RNF34: variants seen among roughly 807,000 people sequenced by gnomAD.
RNF34 encodes ring finger protein 34.
In RNF34, 12 loss-of-function variants were observed where a neutral mutation model predicts 37.9. The ratio of observed to expected loss-of-function variants is 0.32; its 90% confidence interval spans 0.20 to 0.51. The LOEUF (loss-of-function observed/expected upper bound fraction) is 0.51, where lower values mean the gene tolerates loss of function less well. Among genes scored for constraint, RNF34 ranks in the 20% least tolerant of loss-of-function variants. The pLI, the probability that RNF34 is intolerant of heterozygous loss-of-function variation, is 0.97. For synonymous variants in RNF34, 155 were observed against 177.2 expected (o/e 0.87, Z 1.00); for missense variants, 362 against 472.7 (o/e 0.77, Z 2.17).
chr12:121,421,371 T>TACA lies in RNF34; in HGVS notation c.928+594_928+595insCAA, dbSNP rs35925457. On this transcript the variant is annotated intron_variant, in intron 5 of 5. Coordinates refer to ENST00000361234, the MANE Select transcript of RNF34 (RefSeq NM_025126.4). ...GGGCAACATAGAGAGATCCCATCTC[T>TACA]AAAAAAAAAAAAAAAAAAAAAAAAA... Among the ~76,000 whole-genome samples the TACA allele has an allele frequency of 5.8e-3, 268 of 46,360 alleles. 31 individuals are homozygous for TACA. Among genetic ancestry groups the TACA allele is most frequent in the African/African-American group, 0.018 (265 of 14,718 alleles). The allele number at this position is 46,360 out of a possible 152,430, so 30.4% of individuals were successfully genotyped here. A position where few individuals can be genotyped will look rare whatever the true frequency, so the allele number is the denominator to read the frequency against.
intron 1 of RNF34, 63 bp from the exon 2 acceptor site, chr12:121,416,096 G>A (rs1871549012): frequency 7.4e-7 from 1 of 1,359,510 alleles, no homozygotes; most frequent in African/African-American, 1.4e-5. Context: ...AGCATTCCCT[G>A]AGGATCCCAG....
chr12:121,417,968 A>G lies in RNF34; in HGVS notation c.633+57A>G. 6.5e-7 allele frequency: 1 copy of G among 1,541,956 alleles called. No homozygotes were observed. The highest frequency in any genetic ancestry group is 8.8e-7 in the Non-Finnish European group (1 of 1,135,266). ...CCGGCACGCTTATTCTTGGCCGTAT[A>G]TGGTGGGGCCTTTAGTGCTTGATGA... On this transcript the variant is annotated intron_variant, in intron 3 of 5. Coordinates refer to ENST00000361234, the MANE Select transcript of RNF34 (RefSeq NM_025126.4). This position sits in a 1 kb window ranked among gnomAD's most constrained non-coding sequence, Gnocchi z 5.0.
intron 5 of RNF34, among the ~76,000 whole-genome samples, chr12:121,422,096 C>A (rs533948661): frequency 3.2e-4 from 48 of 152,180 alleles, no homozygotes; most frequent in Non-Finnish European, 3.4e-4. Context: ...ATGTAAATAG[C>A]AACTATGTAC....
chr12:121,409,773 C>G (rs1330351633), intron 1 of RNF34: 1 of 152,224 alleles, frequency 6.6e-6, no homozygotes, highest in Non-Finnish European at 1.5e-5. Context: ...ACAGCAGCTA[C>G]GAAGGTACAG....
intron 3 of RNF34, among the ~76,000 whole-genome samples, chr12:121,419,574 A>G (rs1871913736): frequency 9.4e-6 from 1 of 106,946 alleles, no homozygotes; most frequent in Non-Finnish European, 1.9e-5. Context: ...GTGCCTGGCA[A>G]TCAGGGTGGA....
At chr12:121,419,102 A>G (rs769917409) in intron 3 of RNF34, among the ~76,000 whole-genome samples, 2 of 152,228 alleles carry the variant, frequency 1.3e-5, no homozygotes, top group Non-Finnish European at 2.9e-5. Flanking sequence ...TGTTTTGGTC[A>G]GTGATAGACC....
At chr12:121,420,405 A>C (rs3751135) in intron 4 of RNF34, 71 bp downstream of exon 4, 1 of 1,550,280 alleles carries the variant, frequency 6.5e-7, no homozygotes, top group African/African-American at 1.4e-5. Flanking sequence ...CCCTGTGGAC[A>C]TTCGCTAGAT....
At chr12:121,402,001 T>C (rs57636873) in intron 1 of RNF34, among the ~76,000 whole-genome samples, 29,093 of 152,204 alleles carry the variant, frequency 0.19, 4,298 homozygotes, top group African/African-American at 0.41. Context: ...TGTTGATTTA[T>C]ATTGAAATTG....
At chr12:121,400,268 C>G in intron 1 of RNF34, 50 bp downstream of exon 1, 1 of 1,596,922 alleles carries the variant, frequency 6.3e-7, no homozygotes, top group Non-Finnish European at 8.5e-7. Context: ...TCCTATCCTG[C>G]CAGGGCACCT....
At chr12:121,402,824 T>G in intron 1 of RNF34, 1 of 1,533,148 alleles carries the variant, frequency 6.5e-7, no homozygotes, top group Non-Finnish European at 9.0e-7. Context: ...TTTGTATCTA[T>G]AGCACATGTT....
intron 1 of RNF34, among the ~76,000 whole-genome samples, chr12:121,413,864 C>G (rs184217302): frequency 6.6e-6 from 1 of 152,066 alleles, no homozygotes; most frequent in Non-Finnish European, 1.5e-5. Context: ...TGTGAGCCAC[C>G]GCGCCCGGCT....
At chr12:121,422,138 A>T (rs529685193) in intron 5 of RNF34, among the ~76,000 whole-genome samples, 5 of 152,174 alleles carry the variant, frequency 3.3e-5, no homozygotes, top group Non-Finnish European at 7.3e-5. Context: ...TCCCACCCTT[A>T]AGTACTTTGC....
intron 1 of RNF34, among the ~76,000 whole-genome samples, chr12:121,413,370 G>T (rs1039258307): frequency 6.7e-6 from 1 of 150,120 alleles, no homozygotes; most frequent in East Asian, 1.9e-4. Context: ...AGAGTTTGAG[G>T]TATATAATCA....
chr12:121,421,377 A>AC (rs781801477), intron 5 of RNF34, among the ~76,000 whole-genome samples: 7,116 of 143,430 alleles, frequency 0.05, 316 homozygotes, highest in Middle Eastern at 0.093. Context: ...TCTCTAAAAA[A>AC]AAAAAAAAAA....
chr12:121,408,688 T>C (rs1014621124), intron 1 of RNF34, among the ~76,000 whole-genome samples: 1 of 152,182 alleles, frequency 6.6e-6, no homozygotes, highest in Non-Finnish European at 1.5e-5. Flanking sequence ...GAAGGATTTA[T>C]CTTCTGGATG....
intron 1 of RNF34, among the ~76,000 whole-genome samples, chr12:121,414,791 G>C (rs1871403522): frequency 6.6e-6 from 1 of 151,714 alleles, no homozygotes; most frequent in Admixed American, 6.6e-5. Context: ...TCGTGCCTTT[G>C]GCCCTCGCTG....
In RNF34 at chr12:121,417,687, TGTC is replaced by T. The variant is rs1871700650; in HGVS notation, c.412_414del (p.Arg138del). ...TCTGAGAAATATACCCATAGATACT[TGTC>T]GTGAGAAAGAAGACTTGGTGGATCT... is the stretch of plus-strand genomic sequence containing the variant. On this transcript the variant is annotated inframe_deletion, in exon 3 of 6. Transcript: ENST00000361234. This position sits in a 1 kb window ranked among gnomAD's most constrained non-coding sequence, Gnocchi z 5.0. 1 of 1,614,084 alleles carries T rather than the reference TGTC, an allele frequency of 6.2e-7. No homozygotes were observed. The highest frequency in any genetic ancestry group is 1.3e-5 in the African/African-American group (1 of 74,908).
At position 121,417,368 on chromosome 12, in the gene RNF34, T is replaced by C; in HGVS notation, c.226-136T>C. 1 of 701,954 alleles carries C rather than the reference T, an allele frequency of 1.4e-6. No individual in the cohort carries two copies. The highest frequency in any genetic ancestry group is 2.7e-5 in the East Asian group (1 of 36,978). The allele number at this position is 701,954 out of a possible 1,614,324, so 43.5% of individuals were successfully genotyped here. A position where few individuals can be genotyped will look rare whatever the true frequency, so the allele number is the denominator to read the frequency against. On this transcript the variant is annotated intron_variant, in intron 2 of 5. Coordinates refer to ENST00000361234, the MANE Select transcript of RNF34 (RefSeq NM_025126.4). This position sits in a 1 kb window ranked among gnomAD's most constrained non-coding sequence, Gnocchi z 5.0. Reference sequence around the variant, plus strand: ...TTTCATGGCTTTTGAAACATGAAAATACCTCTGGAAATAGTCTGGTGCCAC... The same window carrying C: ...TTTCATGGCTTTTGAAACATGAAAACACCTCTGGAAATAGTCTGGTGCCAC...
At chr12:121,410,484 C>A (rs1162109556) in intron 1 of RNF34, among the ~76,000 whole-genome samples, 3 of 151,476 alleles carry the variant, frequency 2.0e-5, no homozygotes, top group African/African-American at 7.3e-5. Context: ...TTGCAGTGAG[C>A]CGAGATTGCG....
Sources: gnomAD v4.1 joint callset for allele counts (sites outside exome capture counted in the v4.1 genomes callset) on GRCh38, gnomAD v4.1.1 for gene constraint, Gnocchi (gnomAD v3.1) non-coding constraint, MANE v1.5 for transcripts, NCBI Gene and HGNC (gene_info 2026-07-23, HGNC 2026-07-21) for gene names.